The following ASIC2 variants were observed in gnomAD, a reference collection of about 807,000 sequenced individuals.
The protein encoded by ASIC2 is acid sensing ion channel subunit 2.
In ASIC2, 25 loss-of-function variants were observed where a neutral mutation model predicts 57.3. That is an observed-to-expected ratio of 0.44 (90% confidence interval 0.32 to 0.61). ASIC2 has a LOEUF of 0.61. ASIC2 is among the 20% of genes least tolerant of loss of function. The pLI is 0.06. For synonymous variants in ASIC2, 319 were observed against 307.5 expected, an observed-to-expected ratio of 1.04 and a Z score of -0.39; for missense variants, 641 against 738.1, an observed-to-expected ratio of 0.87 and a Z score of 1.52.
At chr17:33,854,246 C>A (rs1383582139) in intron 1 of ASIC2, among the ~76,000 whole-genome samples, 2 of 152,126 alleles carry the variant, frequency 1.3e-5, no homozygotes, top group Non-Finnish European at 2.9e-5. Context: ...TGTAGGCATG[C>A]ATGCATGTCA....
Position 34,156,139 on chromosome 17 carries a change from A to C in ASIC2, c.394T>G (p.Ser132Ala), listed in dbSNP as rs773894200. Residue 132 changes from serine to alanine, a missense_variant, in exon 1 of 10, where the codon TCC (serine) becomes GCC (alanine). By Grantham distance (99) the Ser-to-Ala change is moderately conservative (BLOSUM62 1). Coordinates refer to the ASIC2 transcript ENST00000359872. This position sits in a 1 kb window ranked among gnomAD's most constrained non-coding sequence, Gnocchi z 4.4. The stretch of plus-strand genomic sequence containing the variant: ...TTCTGCCGCAGGGCCTCCAGCACGG[A>C]GGGGTCAGCCAGATGGGGGTCCGGG... 1 of 1,614,040 alleles carries C rather than the reference A, an allele frequency of 6.2e-7. No individual in the cohort carries two copies. The highest frequency in any genetic ancestry group is 8.5e-7 in the Non-Finnish European group (1 of 1,180,006).
At chr17:33,800,387 T>C (rs1318718579) in intron 1 of ASIC2, among the ~76,000 whole-genome samples, 1 of 152,194 alleles carries the variant, frequency 6.6e-6, no homozygotes, top group African/African-American at 2.4e-5. Flanking sequence ...CCAGAGTTTC[T>C]GTGCTTTTAC....
chr17:33,095,575 G>A (rs1319044606), intron 2 of ASIC2, among the ~76,000 whole-genome samples: 4 of 152,206 alleles, frequency 2.6e-5, no homozygotes, highest in South Asian at 2.1e-4. Context: ...TGAAAGGCAG[G>A]TGGATCTGTG....
intron 1 of ASIC2, among the ~76,000 whole-genome samples, chr17:34,029,761 C>T (rs1597981945): frequency 6.6e-6 from 1 of 152,204 alleles, no homozygotes; most frequent in East Asian, 1.9e-4. Flanking sequence ...ATTGAATCTG[C>T]TGGCACCTTG....
intron 1 of ASIC2, among the ~76,000 whole-genome samples, chr17:34,141,537 C>T (rs978217987): frequency 3.9e-5 from 6 of 152,188 alleles, no homozygotes; most frequent in Non-Finnish European, 7.3e-5. Context: ...CACTAAACCA[C>T]GAGCTCCTTG....
chr17:33,718,953 G>A (rs1909304470), intron 1 of ASIC2, among the ~76,000 whole-genome samples: 2 of 152,182 alleles, frequency 1.3e-5, no homozygotes, highest in South Asian at 4.1e-4. Context: ...CCAAAACCTG[G>A]AGGAAGACCC....
intron 1 of ASIC2, among the ~76,000 whole-genome samples, chr17:33,360,492 C>T (rs1908555560): frequency 6.6e-6 from 1 of 152,198 alleles, no homozygotes; most frequent in Non-Finnish European, 1.5e-5. Flanking sequence ...AATACCCTTG[C>T]CTCTGCCTGT....
intron 1 of ASIC2, among the ~76,000 whole-genome samples, chr17:34,125,912 G>C (rs2142123072): frequency 1.3e-5 from 2 of 152,086 alleles, no homozygotes; most frequent in Middle Eastern, 6.8e-3. Context: ...GGTAACTGTG[G>C]AACACAGGAG....
intron 3 of ASIC2, among the ~76,000 whole-genome samples, chr17:33,055,826 G>T (rs1226193045): frequency 6.6e-6 from 1 of 152,180 alleles, no homozygotes; most frequent in Non-Finnish European, 1.5e-5. Context: ...TCTCGGTCTT[G>T]TCTCCTCCGT....
At chr17:33,948,193 T>G (rs1904445094) in intron 1 of ASIC2, among the ~76,000 whole-genome samples, 1 of 152,148 alleles carries the variant, frequency 6.6e-6, no homozygotes, top group Non-Finnish European at 1.5e-5. Context: ...TGGCTGATAA[T>G]CTATAAGCTG....
At chr17:34,033,962 A>G (rs1907743965) in intron 1 of ASIC2, among the ~76,000 whole-genome samples, 1 of 152,236 alleles carries the variant, frequency 6.6e-6, no homozygotes, top group South Asian at 2.1e-4. Context: ...CTCCTTCTGA[A>G]ATTATTCCAA....
rs1905505825 is a variant in ASIC2, at chr17:33,292,161, C to T, written c.-46G>A. 17 of 1,022,798 alleles carry T rather than the reference C, an allele frequency of 1.7e-5. No individual in the cohort carries two copies. Among genetic ancestry groups the T allele is most frequent in the Non-Finnish European group, 2.0e-5 (17 of 856,602 alleles). 63.4% of individuals were successfully genotyped at this position (1,022,798 alleles called of 1,614,324 possible). On this transcript the variant is annotated 5_prime_UTR_variant, in exon 1 of 10. Transcript: ENST00000225823. The stretch of plus-strand genomic sequence containing the variant: ...GGCAGCGGCGGCGGCCCCGGCCGGG[C>T]GGAGCCGCCATGGGAGTCCGCAGCA...
At chr17:34,041,708 G>A (rs1352682257) in intron 1 of ASIC2, among the ~76,000 whole-genome samples, 2 of 152,180 alleles carry the variant, frequency 1.3e-5, no homozygotes, top group African/African-American at 4.8e-5. Flanking sequence ...TTGGTGTGAG[G>A]TGCTGGCAAA....
intron 1 of ASIC2, among the ~76,000 whole-genome samples, chr17:34,153,717 C>T (rs1200672453): frequency 6.6e-6 from 1 of 152,292 alleles, no homozygotes; most frequent in South Asian, 2.1e-4. Flanking sequence ...TGAGGCTCAC[C>T]CCCTTTTCAA....
intron 1 of ASIC2, among the ~76,000 whole-genome samples, chr17:33,816,024 G>C (rs1912569292): frequency 6.6e-6 from 1 of 152,120 alleles, no homozygotes; most frequent in South Asian, 2.1e-4. Flanking sequence ...ATTACATAGG[G>C]ACACTTTGTT....
rs187267007 is a variant in ASIC2 at position 33,324,290 on chromosome 17, C to T, written c.556-212223G>A. Among the ~76,000 whole-genome samples, 10 of 148,782 alleles carry T rather than the reference C, an allele frequency of 6.7e-5. No homozygotes were observed. The East Asian group carries it at 2.1e-3, about 32-fold the overall frequency. Reference sequence around the variant, plus strand: ...AAGCAGAACAAGGTTATGGACAGAGCAAGGGTTTTTTTTTCACATGGCTAA... The same window carrying T: ...AAGCAGAACAAGGTTATGGACAGAGTAAGGGTTTTTTTTTCACATGGCTAA... On this transcript the variant is annotated intron_variant, in intron 1 of 9. Coordinates refer to the ASIC2 transcript ENST00000359872.
At chr17:33,747,937 T>C (rs2142102270) in intron 1 of ASIC2, among the ~76,000 whole-genome samples, 1 of 152,332 alleles carries the variant, frequency 6.6e-6, no homozygotes, top group African/African-American at 2.4e-5. Context: ...CAGTGCTAAT[T>C]CAGTGTGTAA....
chr17:33,309,661 G>A (rs988479677), intron 1 of ASIC2, among the ~76,000 whole-genome samples: 1 of 151,896 alleles, frequency 6.6e-6, no homozygotes, highest in African/African-American at 2.4e-5. Context: ...CCCAAAGGAT[G>A]GCAATACTGT....
intron 1 of ASIC2, chr17:33,131,705 G>A (rs2092346726): frequency 6.6e-6 from 1 of 152,288 alleles, no homozygotes; most frequent in African/African-American, 2.4e-5. Flanking sequence ...TCTCTCTGGG[G>A]CGGCCTGTCC....
Sources: allele counts gnomAD v4.1 joint callset (sites outside exome capture counted in the v4.1 genomes callset), GRCh38; gene constraint gnomAD v4.1.1; non-coding constraint Gnocchi (gnomAD v3.1); transcripts MANE v1.5; gene names NCBI Gene and HGNC (gene_info 2026-07-23, HGNC 2026-07-21).